Variants in LGALS4 observed in about 807,000 individuals in gnomAD.
The protein encoded by LGALS4 is galectin 4, also known as galectin-4.
Under a neutral mutation model 39.6 loss-of-function variants are expected in LGALS4, and 37 were observed. The observed-to-expected ratio is 0.93, with a 90% CI of 0.72 to 1.23. The LOEUF (loss-of-function observed/expected upper bound fraction) is 1.23, where lower values mean the gene tolerates loss of function less well. Ranked by LOEUF, LGALS4 falls within the 50% of genes most tolerant of loss-of-function variation. The pLI is 0.00. For synonymous variants in LGALS4, 160 were observed against 165.5 expected (o/e 0.97, Z 0.25); for missense variants, 397 against 433.2 (o/e 0.92, Z 0.74).
chr19:38,801,939 AG>A (rs749918987), intron 9 of LGALS4, 29 bp from the exon 10 acceptor site: 1 of 1,614,126 alleles, frequency 6.2e-7, no homozygotes, highest in Admixed American at 1.7e-5. Context: ...GCATGAGGCC[AG>A]GGCCAGGACT....
Position 38,808,919 on chromosome 19 carries a change from T to G in LGALS4, c.164A>C (p.Asp55Ala). 3 of 1,613,304 alleles carry G rather than the reference T, an allele frequency of 1.9e-6. No homozygotes were observed. The East Asian group carries it at 6.7e-5, about 36-fold the overall frequency. Reference protein sequence around the residue: ...RFFVNFVVGQDPGSDVAFHFN... With the variant: ...RFFVNFVVGQAPGSDVAFHFN... Reference sequence around the variant, plus strand: ...GTGGAAGGCGACGTCTGAGCCCGGATCCTGCCCAACCACAAAGTTCACGAA... The same window carrying G: ...GTGGAAGGCGACGTCTGAGCCCGGAGCCTGCCCAACCACAAAGTTCACGAA... Residue 55 changes from aspartate to alanine, a missense_variant, in exon 3 of 10, where the codon GAT becomes GCT. Asp to Ala is a moderately radical substitution (Grantham distance 126). Transcript: ENST00000307751.
intron 6 of LGALS4, 57 bp downstream of exon 6, chr19:38,803,685 C>A (rs1448789952): frequency 6.2e-7 from 1 of 1,602,546 alleles, no homozygotes; most frequent in African/African-American, 1.3e-5. Flanking sequence ...GCTCCCCCTA[C>A]CCCAATTCTC....
At chr19:38,803,253 G>A (rs1244901994) in intron 7 of LGALS4, 6 of 550,274 alleles carry the variant, frequency 1.1e-5, no homozygotes, top group Non-Finnish European at 1.6e-5. Flanking sequence ...TCCTGACCTC[G>A]TGATCTGTCC....
At chr19:38,803,987 A>G in intron 4 of LGALS4, 92 bp from the exon 5 acceptor site, 1 of 1,332,728 alleles carries the variant, frequency 7.5e-7, no homozygotes, top group Non-Finnish European at 1.1e-6. Context: ...GTGGCCCACC[A>G]CCACCACCAC....
intron 2 of LGALS4, among the ~76,000 whole-genome samples, chr19:38,809,326 TGC>T (rs1971465257): frequency 6.8e-6 from 1 of 147,524 alleles, no homozygotes; most frequent in Non-Finnish European, 1.5e-5. Flanking sequence ...ATTACAGGCG[TGC>T]ACCACCACGT....
At chr19:38,809,169 CCTT>C (rs1250817654) in intron 2 of LGALS4, among the ~76,000 whole-genome samples, 1 of 139,022 alleles carries the variant, frequency 7.2e-6, no homozygotes, top group East Asian at 2.2e-4. Context: ...CACAGCCTTT[CCTT>C]CTTTTTTTTT....
intron 2 of LGALS4, among the ~76,000 whole-genome samples, chr19:38,812,030 C>A (rs1433136547): frequency 1.3e-4 from 19 of 146,622 alleles, no homozygotes; most frequent in African/African-American, 3.9e-4. Context: ...AAAAAAAAAA[C>A]AAAAAAAACA....
chr19:38,812,590 GC>G (rs1568353937), intron 1 of LGALS4, 71 bp from the exon 2 acceptor site: 4 of 1,410,670 alleles, frequency 2.8e-6, no homozygotes, highest in Non-Finnish European at 4.0e-6. Flanking sequence ...TCCCAGAAAA[GC>G]CCCCCAGTCC....
chr19:38,808,690 C>T (rs1971453113), intron 3 of LGALS4, 54 bp downstream of exon 3: 1 of 1,416,686 alleles, frequency 7.1e-7, no homozygotes, highest in Non-Finnish European at 9.8e-7. Context: ...AGGAAGCAGC[C>T]AAGATGGCGC....
intron 2 of LGALS4, 99 bp from the exon 3 acceptor site, chr19:38,809,047 C>T: frequency 2.0e-6 from 2 of 994,946 alleles, no homozygotes; most frequent in South Asian, 3.2e-5. Flanking sequence ...CCTCGGCCTC[C>T]CTGGCCCGGA....
At chr19:38,806,394 GA>G (rs1375615537) in intron 4 of LGALS4, 66 bp downstream of exon 4, 16 of 1,514,440 alleles carry the variant, frequency 1.1e-5, no homozygotes, top group East Asian at 4.6e-5. Flanking sequence ...AAGAAAAAAA[GA>G]AAAAAAATGA....
At chr19:38,809,801 C>G (rs1473365105) in intron 2 of LGALS4, among the ~76,000 whole-genome samples, 15 of 151,750 alleles carry the variant, frequency 9.9e-5, no homozygotes, top group Non-Finnish European at 8.8e-5. Flanking sequence ...ACCTTGCCTT[C>G]TTAGACCACC....
chr19:38,803,505 G>A lies in LGALS4; in HGVS notation c.570+17C>T. ...TGCCCCCTCCCCACCATCCATCTCT[G>A]TTTCCCCAAGCCATACCGGGTTGAA... On this transcript the variant is annotated intron_variant, in intron 7 of 9. Transcript: ENST00000307751. 4 of 1,613,306 alleles carry A rather than the reference G, an allele frequency of 2.5e-6. No individual in the cohort carries two copies. The Middle Eastern group carries it at 5.0e-4, about 200-fold the overall frequency.
chr19:38,811,690 C>A (rs1360848962), intron 2 of LGALS4, among the ~76,000 whole-genome samples: 1 of 151,326 alleles, frequency 6.6e-6, no homozygotes, highest in African/African-American at 2.4e-5. Flanking sequence ...TGAGGCCAAT[C>A]ATTATCAACG....
At chr19:38,810,902 T>C (rs996228779) in intron 2 of LGALS4, among the ~76,000 whole-genome samples, 2 of 149,142 alleles carry the variant, frequency 1.3e-5, no homozygotes, top group African/African-American at 4.9e-5. Context: ...TATTTGACTT[T>C]TTTTTTTTTT....
chr19:38,803,280 G>A (rs1047050566), intron 7 of LGALS4: 1 of 584,984 alleles, frequency 1.7e-6, no homozygotes, highest in South Asian at 2.0e-5. Context: ...GCATCCCAAA[G>A]TGCTGGGATT....
chr19:38,812,364 C>A, intron 2 of LGALS4, 67 bp downstream of exon 2: 6 of 1,412,764 alleles, frequency 4.2e-6, no homozygotes, highest in Non-Finnish European at 6.0e-6. Flanking sequence ...AAGCCCCCAA[C>A]AGCCAGGCCC....
chr19:38,812,403 G>T, intron 2 of LGALS4, 28 bp downstream of exon 2: 1 of 1,602,570 alleles, frequency 6.2e-7, no homozygotes, highest in Non-Finnish European at 8.5e-7. Context: ...TCCCCTGCCA[G>T]CCCGGCCTGG....
In LGALS4 at chr19:38,812,480, C is replaced by A. The variant is rs762775538; in HGVS notation, c.85G>T (p.Val29Leu). ...YYQPIPGGLN[V>L]GMSVYIQGVA... ...CCTTGGATGTAAACAGACATTCCCA[C>A]GTTGAGCCCGCCCGGGATGGGCTGG... Residue 29 changes from valine (V) to leucine (L), a missense_variant, in exon 2 of 10, where the codon GTG (valine) becomes TTG (leucine). Physicochemically the swap from Val to Leu is conservative, Grantham distance 32 (BLOSUM62 1). Coordinates refer to ENST00000307751, the MANE Select transcript of LGALS4 (RefSeq NM_006149.4). 4 of 1,614,082 alleles carry A rather than the reference C, an allele frequency of 2.5e-6. No individual in the cohort carries two copies. In the South Asian group the frequency reaches 4.4e-5, roughly 18 times the overall value.
Sources: allele counts gnomAD v4.1 joint callset (sites outside exome capture counted in the v4.1 genomes callset), GRCh38; gene constraint gnomAD v4.1.1; transcripts MANE v1.5; gene names NCBI Gene and HGNC (gene_info 2026-07-23, HGNC 2026-07-21).